Variants in GNAL observed in about 807,000 individuals in gnomAD.
GNAL encodes guanine nucleotide-binding protein G(olf) subunit alpha.
In GNAL, 18 loss-of-function variants were observed where a neutral mutation model predicts 55.1. The observed-to-expected ratio is 0.33, with a 90% CI of 0.23 to 0.48. The LOEUF (loss-of-function observed/expected upper bound fraction) is 0.48. GNAL is among the 20% of genes least tolerant of loss of function. The pLI, the probability that GNAL is intolerant of heterozygous loss-of-function variation, is 0.99. For synonymous variants in GNAL, 253 were observed against 237.0 expected (o/e 1.07, Z -0.62); for missense variants, 412 against 614.1 (o/e 0.67, Z 3.48).
chr18:11,867,687 G>A (rs961738459), intron 8 of GNAL, among the ~76,000 whole-genome samples: 24 of 151,968 alleles, frequency 1.6e-4, no homozygotes, highest in African/African-American at 5.6e-4. Context: ...GGTGGTGGGT[G>A]CCTGTAGTCC....
chr18:11,700,125 C>G (rs1346838863), intron 1 of GNAL, among the ~76,000 whole-genome samples: 2 of 152,112 alleles, frequency 1.3e-5, no homozygotes, highest in East Asian at 3.8e-4. Flanking sequence ...GGACAGACAC[C>G]ACAGTGGCCA....
At chr18:11,838,281 C>G (rs1276249112) in intron 5 of GNAL, among the ~76,000 whole-genome samples, 1 of 152,112 alleles carries the variant, frequency 6.6e-6, no homozygotes, top group African/African-American at 2.4e-5. Context: ...AAACATTATG[C>G]TAAGTCAAAG....
intron 1 of GNAL, among the ~76,000 whole-genome samples, chr18:11,696,213 C>T (rs1475115288): frequency 1.3e-5 from 2 of 152,114 alleles, no homozygotes; most frequent in African/African-American, 4.8e-5. Flanking sequence ...AAAAGCATAA[C>T]ACATCCTGGC....
At chr18:11,835,807 G>A (rs2035485411) in intron 5 of GNAL, among the ~76,000 whole-genome samples, 1 of 152,124 alleles carries the variant, frequency 6.6e-6, no homozygotes, top group Non-Finnish European at 1.5e-5. Context: ...AAACAACTAA[G>A]TACTGTACTA....
At chr18:11,819,687 A>C (rs1023985932) in intron 4 of GNAL, among the ~76,000 whole-genome samples, 6 of 152,104 alleles carry the variant, frequency 3.9e-5, no homozygotes, top group Non-Finnish European at 8.8e-5. Context: ...TTTACTGTGA[A>C]TTACTCTTTT....
At chr18:11,777,938 C>G (rs1207576721) in intron 4 of GNAL, among the ~76,000 whole-genome samples, 1 of 152,118 alleles carries the variant, frequency 6.6e-6, no homozygotes, top group Non-Finnish European at 1.5e-5. Context: ...GGTTTGGAGT[C>G]CCAGAGTCTG....
At chr18:11,879,943 C>T (rs1452274479) in intron 11 of GNAL, among the ~76,000 whole-genome samples, 1 of 152,234 alleles carries the variant, frequency 6.6e-6, no homozygotes, top group Non-Finnish European at 1.5e-5. Flanking sequence ...TACAGAACCA[C>T]TGGGCACATA....
intron 5 of GNAL, among the ~76,000 whole-genome samples, chr18:11,846,970 AAT>A (rs919421734): frequency 1.3e-5 from 2 of 151,898 alleles, no homozygotes; most frequent in East Asian, 3.9e-4. Flanking sequence ...TGCAGAGGAA[AAT>A]ATATATATAC....
At position 11,706,511 on chromosome 18, in the gene GNAL, C is replaced by A. The variant is rs537309148; in HGVS notation, c.376+16572C>A. On this transcript the variant is annotated intron_variant, in intron 1 of 11. Coordinates refer to ENST00000334049, the MANE Select transcript of GNAL (RefSeq NM_182978.4). ...AAGACAGCAATGAAGTTGATCACAT[C>A]GGTTAACTCTTTCTTTCATGAAAGA... Among the ~76,000 whole-genome samples the A allele has an allele frequency of 5.3e-5, 8 of 152,222 alleles. No individual in the cohort carries two copies. The South Asian group carries it at 1.7e-3, about 32-fold the overall frequency.
At chr18:11,734,219 C>T (rs2032410751) in intron 1 of GNAL, among the ~76,000 whole-genome samples, 1 of 151,090 alleles carries the variant, frequency 6.6e-6, no homozygotes, top group Non-Finnish European at 1.5e-5. Context: ...TCTCAGCTCA[C>T]TGCAACCTCC....
intron 1 of GNAL, among the ~76,000 whole-genome samples, chr18:11,691,398 C>G (rs2143276313): frequency 6.6e-6 from 1 of 151,362 alleles, no homozygotes; most frequent in African/African-American, 2.4e-5. Context: ...AATTTTCTCC[C>G]ATTTTGTAGG....
intron 4 of GNAL, among the ~76,000 whole-genome samples, chr18:11,764,753 C>T (rs576449709): frequency 4.6e-5 from 7 of 151,978 alleles, no homozygotes; most frequent in East Asian, 1.9e-4. Context: ...CCTGCCTGGG[C>T]GGCAGAGTGA....
intron 1 of GNAL, among the ~76,000 whole-genome samples, chr18:11,713,300 G>C (rs760040077): frequency 1.3e-5 from 2 of 152,234 alleles, no homozygotes; most frequent in Admixed American, 6.5e-5. Context: ...AAAAGGAAAG[G>C]CTTCAGATAT....
At chr18:11,819,183 T>C (rs937987560) in intron 4 of GNAL, among the ~76,000 whole-genome samples, 1 of 152,262 alleles carries the variant, frequency 6.6e-6, no homozygotes, top group Non-Finnish European at 1.5e-5. Context: ...AGAAATGTTA[T>C]TCTTACACTT....
chr18:11,755,878 C>T (rs1320111250), intron 4 of GNAL, among the ~76,000 whole-genome samples: 1 of 152,182 alleles, frequency 6.6e-6, no homozygotes, highest in East Asian at 1.9e-4. Context: ...GCTATGTACA[C>T]TGGCAAAATC....
At chr18:11,691,361 C>A (rs1439495631) in intron 1 of GNAL, among the ~76,000 whole-genome samples, 9 of 151,432 alleles carry the variant, frequency 5.9e-5, no homozygotes, top group African/African-American at 1.7e-4. Flanking sequence ...TGGATATTAG[C>A]CCTTTGTCAG....
At position 11,742,221 on chromosome 18, in the gene GNAL, C is replaced by T. The variant is rs761903064; in HGVS notation, c.377-10632C>T. The stretch of plus-strand genomic sequence containing the variant: ...AGGCCCTCAGTGAGTCTTTGTTGAC[C>T]GTACTATAGTTCGTTGTTCATGTGT... On this transcript the variant is annotated intron_variant, in intron 1 of 11. Coordinates refer to ENST00000334049, the MANE Select transcript of GNAL (RefSeq NM_182978.4). Among the ~76,000 whole-genome samples, 47 of 152,300 alleles carry T rather than the reference C, an allele frequency of 3.1e-4. No homozygotes were observed. The South Asian group carries it at 8.7e-3, about 28-fold the overall frequency.
chr18:11,810,606 G>C (rs1006812674), intron 4 of GNAL: 1 of 152,294 alleles, frequency 6.6e-6, no homozygotes, highest in Non-Finnish European at 1.5e-5. Context: ...GGGAGGGGCT[G>C]TCCAGTGGTG....
intron 4 of GNAL, among the ~76,000 whole-genome samples, chr18:11,777,252 T>G (rs894729020): frequency 6.6e-6 from 1 of 152,168 alleles, no homozygotes; most frequent in Admixed American, 6.5e-5. Context: ...TGCTCATGTG[T>G]CAGACGACAC....
Sources: allele counts gnomAD v4.1 joint callset (sites outside exome capture counted in the v4.1 genomes callset), GRCh38; gene constraint gnomAD v4.1.1; transcripts MANE v1.5; gene names NCBI Gene and HGNC (gene_info 2026-07-23, HGNC 2026-07-21).